RAI14: variants seen among roughly 807,000 people sequenced by gnomAD.
RAI14 encodes ankycorbin.
Under a neutral mutation model 115.4 loss-of-function variants are expected in RAI14, and 45 were observed. The observed-to-expected ratio is 0.39, with a 90% CI of 0.31 to 0.50. The LOEUF is 0.50. Ranked by LOEUF, RAI14 falls within the 20% of genes least tolerant of loss-of-function variation. The pLI is 0.85. For missense variants in RAI14, 939 were observed against 1,131.2 expected (o/e 0.83, Z 2.44); for synonymous variants, 371 against 415.4 (o/e 0.89, Z 1.30).
At chr5:34,826,591 GAATGTACTTC>G (rs1203784807) in intron 16 of RAI14, 112 bp downstream of exon 16, 17 of 1,357,588 alleles carry the variant, frequency 1.3e-5, no homozygotes, top group East Asian at 1.2e-4. Context: ...CAGCCCAAAG[GAATGTACTTC>G]AATGAGCAGT....
intron 12 of RAI14, among the ~76,000 whole-genome samples, chr5:34,815,388 AAAAAG>A (rs1006208896): frequency 6.6e-6 from 1 of 151,882 alleles, no homozygotes; most frequent in Non-Finnish European, 1.5e-5. Context: ...TCAAAAAAAA[AAAAAG>A]AAAAGAAAAA....
rs943077398 is a variant in RAI14 at position 34,830,854 on chromosome 5, C to G, written c.*89C>G. 8.2e-6 allele frequency: 13 copies of G among 1,581,914 alleles called. No homozygotes were observed. The highest frequency in any genetic ancestry group is 1.7e-4 in the Middle Eastern group (1 of 5,978). On this transcript the variant is annotated 3_prime_UTR_variant, in exon 18 of 18. Transcript: ENST00000265109. ...GGCAGCCGCTGCCATTGTTCTCATT[C>G]GTGGTATGCACTGTGGCCTAGCGTA...
intron 4 of RAI14, 133 bp from the exon 5 acceptor site, chr5:34,803,579 C>CA: frequency 6.6e-6 from 5 of 756,166 alleles, no homozygotes; most frequent in Non-Finnish European, 1.0e-5. Flanking sequence ...AACAAACAAA[C>CA]AAAAAAACAC....
chr5:34,703,276 A>G (rs1417656722), intron 2 of RAI14, among the ~76,000 whole-genome samples: 1 of 152,232 alleles, frequency 6.6e-6, no homozygotes, highest in Non-Finnish European at 1.5e-5. Context: ...ACCTCTTCTT[A>G]GAAATACTAG....
chr5:34,829,010 T>A (rs2150315431), intron 16 of RAI14, among the ~76,000 whole-genome samples: 1 of 152,250 alleles, frequency 6.6e-6, no homozygotes, highest in South Asian at 2.1e-4. Context: ...TAAATAAAAA[T>A]TTTCCATAAT....
intron 4 of RAI14, among the ~76,000 whole-genome samples, chr5:34,799,581 C>G (rs1027544077): frequency 1.4e-5 from 2 of 148,080 alleles, no homozygotes; most frequent in African/African-American, 5.0e-5. Flanking sequence ...TCTTTTTATT[C>G]TTTTTATCCA....
chr5:34,683,336 T>C (rs898224808), intron 1 of RAI14, among the ~76,000 whole-genome samples: 5 of 152,134 alleles, frequency 3.3e-5, no homozygotes, highest in Admixed American at 2.0e-4. Flanking sequence ...GACACTCAGT[T>C]TGGCGGTTAA....
At chr5:34,786,228 T>G (rs1752280370) in intron 3 of RAI14, among the ~76,000 whole-genome samples, 1 of 151,898 alleles carries the variant, frequency 6.6e-6, no homozygotes, top group Non-Finnish European at 1.5e-5. Flanking sequence ...TCTGGGGGGG[T>G]GTATCCTAAC....
chr5:34,763,193 G>GTATTAGA (rs1445420678), intron 3 of RAI14, among the ~76,000 whole-genome samples: 2 of 152,252 alleles, frequency 1.3e-5, no homozygotes, highest in Admixed American at 1.3e-4. Flanking sequence ...GTATAGGGAT[G>GTATTAGA]TATTAGATAT....
intron 2 of RAI14, among the ~76,000 whole-genome samples, chr5:34,743,852 T>C (rs552738388): frequency 6.6e-6 from 1 of 152,358 alleles, no homozygotes; most frequent in African/African-American, 2.4e-5. Context: ...GTAGAATTTA[T>C]AACTTGAAGG....
At chr5:34,775,164 A>G (rs1026576019) in intron 3 of RAI14, among the ~76,000 whole-genome samples, 1 of 152,224 alleles carries the variant, frequency 6.6e-6, no homozygotes, top group Non-Finnish European at 1.5e-5. Context: ...AAACTACTAT[A>G]AGAAAACATC....
At chr5:34,772,752 C>T (rs1750336957) in intron 3 of RAI14, among the ~76,000 whole-genome samples, 1 of 152,108 alleles carries the variant, frequency 6.6e-6, no homozygotes, top group South Asian at 2.1e-4. Context: ...TTCAGGCTGC[C>T]ACCCGGCTGC....
chr5:34,714,566 G>A (rs529447134), intron 2 of RAI14, among the ~76,000 whole-genome samples: 3 of 152,258 alleles, frequency 2.0e-5, no homozygotes, highest in African/African-American at 7.2e-5. Flanking sequence ...AAATCTAAGT[G>A]TAATTATTGG....
intron 2 of RAI14, among the ~76,000 whole-genome samples, chr5:34,721,077 C>T (rs1315154227): frequency 2.6e-5 from 4 of 151,756 alleles, no homozygotes; most frequent in Non-Finnish European, 5.9e-5. Context: ...CATGGGTTCT[C>T]TTCCCCTATT....
chr5:34,786,238 C>T (rs565567501), intron 3 of RAI14, among the ~76,000 whole-genome samples: 12 of 152,312 alleles, frequency 7.9e-5, no homozygotes, highest in African/African-American at 2.6e-4. Flanking sequence ...TGTATCCTAA[C>T]AGGGAACTGC....
intron 1 of RAI14, among the ~76,000 whole-genome samples, chr5:34,664,209 G>A (rs1205084191): frequency 6.6e-6 from 1 of 150,852 alleles, no homozygotes; most frequent in Admixed American, 6.6e-5. Flanking sequence ...TGACATTTAG[G>A]CCAGGCACAG....
intron 3 of RAI14, among the ~76,000 whole-genome samples, chr5:34,782,215 C>T (rs902525484): frequency 2.0e-5 from 3 of 152,124 alleles, no homozygotes; most frequent in Middle Eastern, 3.2e-3. Flanking sequence ...TTGTTTATGG[C>T]TAGTTTTGGG....
intron 15 of RAI14, 153 bp from the exon 16 acceptor site, chr5:34,826,177 G>GT (rs1335144393): frequency 3.4e-6 from 2 of 591,168 alleles, no homozygotes; most frequent in Non-Finnish European, 5.3e-6. Flanking sequence ...CATTTTATGA[G>GT]TTTTTTAATT....
At chr5:34,729,632 G>A (rs1396852735) in intron 2 of RAI14, among the ~76,000 whole-genome samples, 1 of 152,054 alleles carries the variant, frequency 6.6e-6, no homozygotes, top group Non-Finnish European at 1.5e-5. Context: ...AAATACTGAA[G>A]ATAGGAAAAC....
Sources: gnomAD v4.1 joint callset for allele counts (sites outside exome capture counted in the v4.1 genomes callset) on GRCh38, gnomAD v4.1.1 for gene constraint, MANE v1.5 for transcripts, NCBI Gene and HGNC (gene_info 2026-07-23, HGNC 2026-07-21) for gene names.